UBE3C: variants seen among roughly 807,000 people sequenced by gnomAD.
UBE3C encodes the protein ubiquitin protein ligase E3C.
Under a neutral mutation model 129.4 loss-of-function variants are expected in UBE3C, and 42 were observed. The observed-to-expected ratio is 0.32, with a 90% confidence interval of 0.25 to 0.42. The LOEUF (loss-of-function observed/expected upper bound fraction) is 0.42. UBE3C is among the 10% of genes least tolerant of loss of function. The pLI is 1.00. For missense variants in UBE3C, 1,049 were observed against 1,319.1 expected (o/e 0.80, Z 3.17); for synonymous variants, 510 against 492.4 (o/e 1.04, Z -0.47).
intron 10 of UBE3C, among the ~76,000 whole-genome samples, chr7:157,190,516 G>T (rs1188838439): frequency 6.6e-6 from 1 of 152,120 alleles, no homozygotes; most frequent in African/African-American, 2.4e-5. Flanking sequence ...GTGGCCAGGG[G>T]CTACCTTATT....
At chr7:157,146,680 G>C (rs1807614769) in intron 1 of UBE3C, among the ~76,000 whole-genome samples, 1 of 149,854 alleles carries the variant, frequency 6.7e-6, no homozygotes, top group South Asian at 2.1e-4. Context: ...TAATTTGAGA[G>C]GGAGCCTCCT....
intron 18 of UBE3C, among the ~76,000 whole-genome samples, chr7:157,240,646 C>T (rs62493373): frequency 0.1 from 15,479 of 152,080 alleles, 896 homozygotes; most frequent in African/African-American, 0.14. Flanking sequence ...GTTACAAGAG[C>T]CTGCCTTTGA....
At chr7:157,233,405 A>G (rs1301680677) in intron 18 of UBE3C, among the ~76,000 whole-genome samples, 1 of 151,698 alleles carries the variant, frequency 6.6e-6, no homozygotes, top group Non-Finnish European at 1.5e-5. Context: ...CAGCCTCCCG[A>G]GTAGCTGGGA....
At chr7:157,200,686 G>A (rs1476053546) in intron 10 of UBE3C, among the ~76,000 whole-genome samples, 1 of 152,064 alleles carries the variant, frequency 6.6e-6, no homozygotes, top group Non-Finnish European at 1.5e-5. Flanking sequence ...ACAGGCTGGA[G>A]TGTAGTGGTG....
chr7:157,150,823 C>T (rs1373276158), intron 1 of UBE3C, among the ~76,000 whole-genome samples: 1 of 152,176 alleles, frequency 6.6e-6, no homozygotes, highest in Non-Finnish European at 1.5e-5. Context: ...ATACTAGTTG[C>T]TTATTGCTGT....
chr7:157,157,053 T>TA (rs1490799254), intron 1 of UBE3C, among the ~76,000 whole-genome samples: 1 of 152,016 alleles, frequency 6.6e-6, no homozygotes, highest in African/African-American at 2.4e-5. Context: ...GAGGAAAAAA[T>TA]AAAGGTGTAG....
At position 157,256,957 on chromosome 7, in the gene UBE3C, A is replaced by G. The variant is rs941429650; in HGVS notation, c.2994A>G (p.Arg998=). The stretch of plus-strand genomic sequence containing the variant: ...ATCCTGTTATTAAGGTCTTCTGGAG[A>G]GTTGTGGAAGGGTTCACTGATGAAG... The part of the protein sequence containing the change: ...ADHPVIKVFW[R]VVEGFTDEEK... The change falls in exon 22 of 23, where the codon AGA becomes AGG. Residue 998 remains arginine, a synonymous_variant. Coordinates refer to ENST00000348165, the MANE Select transcript of UBE3C (RefSeq NM_014671.3). 6.2e-7 allele frequency: 1 copy of G among 1,614,162 alleles called. No homozygotes were observed. The highest frequency in any genetic ancestry group is 8.5e-7 in the Non-Finnish European group (1 of 1,180,028).
chr7:157,244,707 G>T (rs769758867), intron 18 of UBE3C, among the ~76,000 whole-genome samples: 2 of 152,162 alleles, frequency 1.3e-5, no homozygotes, highest in African/African-American at 4.8e-5. Flanking sequence ...CATTAATTGC[G>T]TCGCGACTGC....
At chr7:157,175,539 A>G (rs1808495316) in intron 5 of UBE3C, among the ~76,000 whole-genome samples, 1 of 152,218 alleles carries the variant, frequency 6.6e-6, no homozygotes, top group African/African-American at 2.4e-5. Context: ...CATTACCTGA[A>G]TATAACACCT....
chr7:157,183,816 C>T (rs868644837), intron 8 of UBE3C, 62 bp from the exon 9 acceptor site: 6 of 1,550,478 alleles, frequency 3.9e-6, no homozygotes, highest in African/African-American at 2.7e-5. Context: ...ATGGCGTCTT[C>T]GTTTTCCATT....
chr7:157,182,048 C>A, intron 7 of UBE3C, 60 bp from the exon 8 acceptor site: 2 of 1,437,844 alleles, frequency 1.4e-6, no homozygotes, highest in South Asian at 1.4e-5. Context: ...TGATTTTAAT[C>A]AGTGATTGGA....
In UBE3C at chr7:157,267,566, C is replaced by T. The variant is rs1797114457; in HGVS notation, c.3082-19C>T. ...CCATGCTTGTTACAGTGACATCTTGCACACATGCTGTTTTTCAGGAGTTGT... is the reference window on the plus strand; with the variant it reads ...CCATGCTTGTTACAGTGACATCTTGTACACATGCTGTTTTTCAGGAGTTGT... On this transcript the variant is annotated intron_variant, in intron 22 of 22. Coordinates refer to ENST00000348165, the MANE Select transcript of UBE3C (RefSeq NM_014671.3). 5.6e-6 allele frequency: 9 copies of T among 1,612,354 alleles called. No individual in the cohort carries two copies. The highest frequency in any genetic ancestry group is 6.8e-6 in the Non-Finnish European group (8 of 1,179,332).
chr7:157,246,470 A>T (rs1449157643), intron 18 of UBE3C, among the ~76,000 whole-genome samples: 2 of 152,224 alleles, frequency 1.3e-5, no homozygotes, highest in African/African-American at 4.8e-5. Context: ...CTAGGTTGGA[A>T]GGGTGACTTC....
At chr7:157,218,065 A>G (rs1195500541) in intron 14 of UBE3C, among the ~76,000 whole-genome samples, 2 of 152,056 alleles carry the variant, frequency 1.3e-5, no homozygotes, top group Non-Finnish European at 1.5e-5. Context: ...AGAGGGACAT[A>G]AGGTATTTTC....
chr7:157,232,223 A>G (rs1796040272), intron 18 of UBE3C, among the ~76,000 whole-genome samples: 2 of 152,260 alleles, frequency 1.3e-5, no homozygotes, highest in Non-Finnish European at 2.9e-5. Flanking sequence ...TAATTTGGTT[A>G]TCTGCAAATA....
At chr7:157,167,610 T>C (rs1446396864) in intron 2 of UBE3C, among the ~76,000 whole-genome samples, 1 of 151,852 alleles carries the variant, frequency 6.6e-6, no homozygotes, top group Non-Finnish European at 1.5e-5. Context: ...CGATCTCGGC[T>C]CACTGCAAGC....
intron 13 of UBE3C, among the ~76,000 whole-genome samples, chr7:157,211,554 G>T (rs922570000): frequency 6.6e-6 from 1 of 151,992 alleles, no homozygotes; most frequent in Non-Finnish European, 1.5e-5. Flanking sequence ...GAAAAATCAG[G>T]CCTTGGCAAT....
intron 5 of UBE3C, among the ~76,000 whole-genome samples, chr7:157,178,384 A>G (rs1324441885): frequency 6.6e-6 from 1 of 152,242 alleles, no homozygotes; most frequent in Non-Finnish European, 1.5e-5. Context: ...TTCATGGATT[A>G]TAATACTTCT....
chr7:157,238,134 C>CT (rs1169219841), intron 18 of UBE3C, among the ~76,000 whole-genome samples: 3 of 152,162 alleles, frequency 2.0e-5, no homozygotes, highest in Non-Finnish European at 4.4e-5. Context: ...GCAAATGTAA[C>CT]TTTATGAAAT....
Sources: allele counts gnomAD v4.1 joint callset (sites outside exome capture counted in the v4.1 genomes callset), GRCh38; gene constraint gnomAD v4.1.1; transcripts MANE v1.5; gene names NCBI Gene and HGNC (gene_info 2026-07-23, HGNC 2026-07-21).